Variants in KAZN observed in about 807,000 individuals in gnomAD.
KAZN encodes the protein kazrin, periplakin interacting protein.
A neutral mutation model predicts 87.4 loss-of-function variants in KAZN; 40 were observed. The ratio of observed to expected loss-of-function variants is 0.46; its 90% CI spans 0.36 to 0.60. The LOEUF is 0.60. Among genes scored for constraint, KAZN ranks in the 20% least tolerant of loss-of-function variants. The pLI is 0.00. For synonymous variants in KAZN, 466 were observed against 458.3 expected (o/e 1.02, Z -0.22); for missense variants, 898 against 1,073.9 (o/e 0.84, Z 2.29).
chr1:14,669,885 C>A (rs1639810107), intron 1 of KAZN, among the ~76,000 whole-genome samples: 2 of 146,240 alleles, frequency 1.4e-5, no homozygotes, highest in African/African-American at 5.0e-5. Flanking sequence ...AATTAATGAA[C>A]AACTGACCAA....
At chr1:14,090,312 CT>C (rs1273518575) in intron 1 of KAZN, among the ~76,000 whole-genome samples, 1 of 151,986 alleles carries the variant, frequency 6.6e-6, no homozygotes, top group African/African-American at 2.4e-5. Context: ...TTTTCAGTCT[CT>C]TTTTCTCTGT....
chr1:14,666,092 A>T (rs1433833661), intron 1 of KAZN, among the ~76,000 whole-genome samples: 1 of 152,088 alleles, frequency 6.6e-6, no homozygotes, highest in African/African-American at 2.4e-5. Flanking sequence ...CAGCCCAGCA[A>T]TATCTATAAT....
chr1:14,563,317 C>A (rs1191551040), intron 2 of KAZN, among the ~76,000 whole-genome samples: 1 of 152,190 alleles, frequency 6.6e-6, no homozygotes, highest in East Asian at 1.9e-4. Context: ...AATGAAGATT[C>A]CCTGGCCTCA....
chr1:14,387,272 G>C (rs10803275), intron 2 of KAZN, among the ~76,000 whole-genome samples: 97,019 of 151,740 alleles, frequency 0.64, 31,565 homozygotes, highest in East Asian at 0.82. Context: ...CCTCCCGTAG[G>C]TCAGAGTAAT....
intron 2 of KAZN, among the ~76,000 whole-genome samples, chr1:14,507,280 G>A (rs1670631480): frequency 6.6e-6 from 1 of 152,088 alleles, no homozygotes; most frequent in Non-Finnish European, 1.5e-5. Flanking sequence ...CTGACTTTGA[G>A]GCCCATAATG....
chr1:14,354,264 G>A (rs1658800028), intron 2 of KAZN, among the ~76,000 whole-genome samples: 1 of 151,926 alleles, frequency 6.6e-6, no homozygotes, highest in Non-Finnish European at 1.5e-5. Flanking sequence ...ACAATCTAAG[G>A]TTAGGCAAAG....
At chr1:14,383,414 G>T (rs1571466251) in intron 2 of KAZN, among the ~76,000 whole-genome samples, 1 of 152,088 alleles carries the variant, frequency 6.6e-6, no homozygotes, top group East Asian at 1.9e-4. Context: ...GAATGGTAAA[G>T]CCTAGGTTTT....
chr1:14,770,058 G>T (rs1292766811), intron 1 of KAZN, among the ~76,000 whole-genome samples: 1 of 152,188 alleles, frequency 6.6e-6, no homozygotes, highest in Non-Finnish European at 1.5e-5. Context: ...TCAGAGAATA[G>T]TCCAGGGTGG....
At chr1:13,969,496 G>T (rs1642063121) in intron 1 of KAZN, among the ~76,000 whole-genome samples, 1 of 152,182 alleles carries the variant, frequency 6.6e-6, no homozygotes, top group Non-Finnish European at 1.5e-5. Flanking sequence ...TAAGTGAGAG[G>T]CATGAAACAG....
intron 1 of KAZN, among the ~76,000 whole-genome samples, chr1:13,982,577 C>A (rs967402898): frequency 6.6e-6 from 1 of 152,196 alleles, no homozygotes; most frequent in African/African-American, 2.4e-5. Flanking sequence ...GGGCAGCCTG[C>A]TTTTATTCTC....
chr1:15,073,173 G>A (rs1266071408), intron 8 of KAZN, among the ~76,000 whole-genome samples: 2 of 152,204 alleles, frequency 1.3e-5, no homozygotes, highest in Non-Finnish European at 2.9e-5. Flanking sequence ...GAGTGAGTGA[G>A]AAGGAAAGAG....
At chr1:14,918,683 A>G (rs1658092255) in intron 1 of KAZN, among the ~76,000 whole-genome samples, 1 of 22,736 alleles carries the variant, frequency 4.4e-5, no homozygotes, top group Non-Finnish European at 8.4e-5. Flanking sequence ...CTCAAAAAAA[A>G]AAAAAAAAAA....
intron 2 of KAZN, among the ~76,000 whole-genome samples, chr1:14,284,904 C>T (rs1044258497): frequency 1.3e-5 from 2 of 152,208 alleles, no homozygotes; most frequent in Admixed American, 6.5e-5. Context: ...ACAAATCTTC[C>T]CTACAGCCCA....
At chr1:14,524,010 T>TAG (rs1379397186) in intron 2 of KAZN, among the ~76,000 whole-genome samples, 1 of 149,422 alleles carries the variant, frequency 6.7e-6, no homozygotes, top group African/African-American at 2.4e-5. Context: ...TTGTTTTGTT[T>TAG]TGTTTTGTTT....
intron 1 of KAZN, among the ~76,000 whole-genome samples, chr1:14,682,221 G>A (rs1029906311): frequency 1.3e-5 from 2 of 151,434 alleles, no homozygotes; most frequent in African/African-American, 2.4e-5. Context: ...GAATCATACA[G>A]TATTGTTCTT....
intron 1 of KAZN, among the ~76,000 whole-genome samples, chr1:14,035,946 C>T (rs541959523): frequency 6.6e-6 from 1 of 152,264 alleles, no homozygotes; most frequent in East Asian, 1.9e-4. Flanking sequence ...AGGATTATCC[C>T]TTGGCAGGCT....
At chr1:14,894,177 C>G (rs1388359896) in intron 1 of KAZN, among the ~76,000 whole-genome samples, 1 of 152,064 alleles carries the variant, frequency 6.6e-6, no homozygotes. Flanking sequence ...GCCACCATCT[C>G]CCCTCCCTAG....
rs1641780726 is a variant in KAZN at position 15,114,702 on chromosome 1, G to A, written c.*67G>A. 15 of 1,491,370 alleles carry A rather than the reference G, an allele frequency of 1.0e-5. No individual in the cohort carries two copies. Among genetic ancestry groups the A allele is most frequent in the African/African-American group, 1.4e-5 (1 of 71,252 alleles). 92.4% of individuals were successfully genotyped at this position (1,491,370 alleles called of 1,614,324 possible). ...AAGGAAGAGAAGCCAGATGGCCCCAGGTGTCGTTCTCACTGTACATAGCGG... is the reference window on the plus strand; with the variant it reads ...AAGGAAGAGAAGCCAGATGGCCCCAAGTGTCGTTCTCACTGTACATAGCGG... On this transcript the variant is annotated 3_prime_UTR_variant, in exon 15 of 15. Transcript: ENST00000376030.
chr1:15,042,630 A>G (rs1411883874), intron 3 of KAZN, among the ~76,000 whole-genome samples: 1 of 152,176 alleles, frequency 6.6e-6, no homozygotes, highest in Non-Finnish European at 1.5e-5. Flanking sequence ...TGAGGCAGGG[A>G]TGACTCACAG....
Sources: gnomAD v4.1 joint callset for allele counts (sites outside exome capture counted in the v4.1 genomes callset) on GRCh38, gnomAD v4.1.1 for gene constraint, MANE v1.5 for transcripts, NCBI Gene and HGNC (gene_info 2026-07-23, HGNC 2026-07-21) for gene names.